The following ERC1 variants were observed in gnomAD, a reference collection of about 807,000 sequenced individuals.
The protein encoded by ERC1 is ELKS/RAB6-interacting/CAST family member 1.
In ERC1, 56 loss-of-function variants were observed where a neutral mutation model predicts 132.0. The observed-to-expected ratio is 0.42, with a 90% confidence interval of 0.34 to 0.53. ERC1 has a LOEUF of 0.53. ERC1 is among the 20% of genes least tolerant of loss of function. The pLI, the probability that ERC1 is intolerant of heterozygous loss-of-function variation, is 0.03. For synonymous variants in ERC1, 478 were observed against 476.1 expected, an observed-to-expected ratio of 1.00 and a Z score of -0.05; for missense variants, 1,202 against 1,349.9, an observed-to-expected ratio of 0.89 and a Z score of 1.72.
At position 1,106,873 on chromosome 12, in the gene ERC1, TAAG is replaced by T. The variant is rs577981902; in HGVS notation, c.1161+2053_1161+2055del. 2.7e-3 allele frequency among the ~76,000 whole-genome samples: 415 copies of T among 152,356 alleles called. 2 individuals carry two copies. The highest frequency in any genetic ancestry group is 0.014 in the Middle Eastern group (4 of 294). On this transcript the variant is annotated intron_variant, in intron 4 of 18. Transcript: ENST00000360905. ...TTGTGTGAACCTTCAGCCATTCTGC[TAAG>T]AAGGAGAAAGATTCTGGTGGCCCAG...
intron 15 of ERC1, among the ~76,000 whole-genome samples, chr12:1,348,104 C>G (rs935376424): frequency 6.6e-6 from 1 of 152,140 alleles, no homozygotes; most frequent in Admixed American, 6.5e-5. Context: ...TTTACATTGT[C>G]TGGCATGCTA....
intron 8 of ERC1, chr12:1,152,384 G>A (rs1270821374): frequency 6.6e-6 from 1 of 152,244 alleles, no homozygotes; most frequent in African/African-American, 2.4e-5. Context: ...GACACTATAA[G>A]CATGCTTGAT....
chr12:1,153,638 G>C (rs1255640673), intron 8 of ERC1, among the ~76,000 whole-genome samples: 1 of 152,208 alleles, frequency 6.6e-6, no homozygotes, highest in Non-Finnish European at 1.5e-5. Flanking sequence ...AAACATTCCA[G>C]TTACCAAAGC....
At chr12:1,095,345 G>A (rs111492113) in intron 3 of ERC1, among the ~76,000 whole-genome samples, 1 of 144,496 alleles carries the variant, frequency 6.9e-6, no homozygotes, top group Non-Finnish European at 1.5e-5. Flanking sequence ...CAGGAGAATC[G>A]CTTGAACTCG....
At chr12:1,319,094 A>G (rs1354559907) in intron 15 of ERC1, among the ~76,000 whole-genome samples, 2 of 152,150 alleles carry the variant, frequency 1.3e-5, no homozygotes, top group African/African-American at 2.4e-5. Context: ...TATTTATTCC[A>G]TGTTCCTGAC....
rs2086001991 is a variant in ERC1 at position 1,360,642 on chromosome 12, A to C, written c.2781-11191A>C. Among the ~76,000 whole-genome samples the C allele has an allele frequency of 2.6e-5, 4 of 152,218 alleles. No homozygotes were observed. The South Asian group carries it at 8.3e-4, about 32-fold the overall frequency. ...TAATGCAATAAAACTGTGAAGCTTA[A>C]AGAGAAATTTGGCAGCATCACTGGA... is the stretch of plus-strand genomic sequence containing the variant. On this transcript the variant is annotated intron_variant, in intron 15 of 18. Coordinates refer to ENST00000360905, the MANE Select transcript of ERC1 (RefSeq NM_178040.4).
chr12:1,236,885 A>C lies in ERC1; in HGVS notation c.2468A>C (p.Asp823Ala). ...CGACGACGGGAGGACAATCTCAACG[A>C]CAGCTCTCAGCAGCTACAGGTTAGA... ...EARRREDNLN[D>A]SSQQLQDSLR... The change falls in exon 13 of 19, where the codon GAC (aspartate) becomes GCC (alanine). Residue 823 changes from aspartate (D) to alanine (A), a missense_variant. By Grantham distance (126) the Asp-to-Ala change is moderately radical. Transcript: ENST00000360905. The C allele has an allele frequency of 6.2e-7, 1 of 1,614,072 alleles. No individual in the cohort carries two copies. Among genetic ancestry groups the C allele is most frequent in the Non-Finnish European group, 8.5e-7 (1 of 1,179,950 alleles).
chr12:1,093,843 G>A lies in ERC1; in HGVS notation c.1086+10263G>A, dbSNP rs1356901240. ...TGGCAGATAGAAGGTATAAGCAGAGGAGATTAAAGAAAAAAAGAAACATAT... is the reference window on the plus strand; with the variant it reads ...TGGCAGATAGAAGGTATAAGCAGAGAAGATTAAAGAAAAAAAGAAACATAT... On this transcript the variant is annotated intron_variant, in intron 3 of 18. Transcript: ENST00000360905. Among the ~76,000 whole-genome samples, 4 of 147,782 alleles carry A rather than the reference G, an allele frequency of 2.7e-5. No homozygotes were observed. In the East Asian group the frequency reaches 7.9e-4, roughly 29 times the overall value.
At chr12:1,340,032 G>T (rs1425246429) in intron 15 of ERC1, among the ~76,000 whole-genome samples, 1 of 152,188 alleles carries the variant, frequency 6.6e-6, no homozygotes, top group Non-Finnish European at 1.5e-5. Flanking sequence ...GGGGGAAGCT[G>T]TAATGTGTGG....
At chr12:1,215,287 T>G (rs532668451) in intron 12 of ERC1, among the ~76,000 whole-genome samples, 2 of 149,890 alleles carry the variant, frequency 1.3e-5, no homozygotes, top group South Asian at 2.1e-4. Flanking sequence ...GATGTCATAA[T>G]GTACTATAAG....
chr12:1,223,733 C>T (rs2074344290), intron 12 of ERC1, among the ~76,000 whole-genome samples: 1 of 152,120 alleles, frequency 6.6e-6, no homozygotes, highest in Non-Finnish European at 1.5e-5. Context: ...TAGTTGGGAG[C>T]TTAGCAATTG....
At chr12:1,070,886 A>G (rs1431163741) in intron 2 of ERC1, among the ~76,000 whole-genome samples, 3 of 152,172 alleles carry the variant, frequency 2.0e-5, no homozygotes, top group Admixed American at 1.3e-4. Context: ...CAGCACAGGT[A>G]GTGTTCTGAT....
intron 16 of ERC1, among the ~76,000 whole-genome samples, chr12:1,406,471 G>A (rs201258898): frequency 6.6e-6 from 1 of 152,126 alleles, no homozygotes; most frequent in East Asian, 1.9e-4. Flanking sequence ...AAATATCCTA[G>A]TGTAGCTGAA....
intron 18 of ERC1, among the ~76,000 whole-genome samples, chr12:1,458,577 C>G (rs2093587740): frequency 6.6e-6 from 1 of 150,828 alleles, no homozygotes; most frequent in African/African-American, 2.4e-5. Context: ...TCTTGTTGCC[C>G]AGGCTGAAGT....
intron 13 of ERC1, among the ~76,000 whole-genome samples, chr12:1,262,138 T>C (rs926945924): frequency 3.9e-5 from 6 of 152,234 alleles, no homozygotes; most frequent in Middle Eastern, 3.2e-3. Flanking sequence ...CTTGCTCTTT[T>C]GTTTTATGTA....
chr12:1,119,777 C>G (rs993721350), intron 7 of ERC1, among the ~76,000 whole-genome samples: 1 of 151,836 alleles, frequency 6.6e-6, no homozygotes, highest in South Asian at 2.1e-4. Flanking sequence ...CTCGAACTCC[C>G]GACCTCAGGT....
intron 18 of ERC1, among the ~76,000 whole-genome samples, chr12:1,479,927 A>C (rs1045481258): frequency 6.6e-6 from 1 of 152,146 alleles, no homozygotes; most frequent in Non-Finnish European, 1.5e-5. Context: ...TGCTGCCCTC[A>C]CGCCTGTCCT....
intron 1 of ERC1, among the ~76,000 whole-genome samples, chr12:1,020,213 T>C (rs1386591130): frequency 2.6e-5 from 4 of 152,144 alleles, no homozygotes; most frequent in Non-Finnish European, 4.4e-5. Flanking sequence ...CCCCAGCACT[T>C]TGAGAGACCA....
At chr12:1,327,017 T>C (rs180917135) in intron 15 of ERC1, among the ~76,000 whole-genome samples, 2 of 152,234 alleles carry the variant, frequency 1.3e-5, no homozygotes, top group Admixed American at 6.5e-5. Flanking sequence ...TAATAGTCAT[T>C]GGTTCATAAA....
Sources: gnomAD v4.1 joint callset for allele counts (sites outside exome capture counted in the v4.1 genomes callset) on GRCh38, gnomAD v4.1.1 for gene constraint, MANE v1.5 for transcripts, NCBI Gene and HGNC (gene_info 2026-07-23, HGNC 2026-07-21) for gene names.